SETX: variants seen among roughly 807,000 people sequenced by gnomAD.
SETX encodes helicase senataxin.
Under a neutral mutation model 227.2 loss-of-function variants are expected in SETX, and 90 were observed. The observed-to-expected ratio is 0.40, with a 90% CI of 0.33 to 0.47. SETX has a LOEUF of 0.47. SETX is among the 20% of genes least tolerant of loss of function. The pLI, the probability that SETX is intolerant of heterozygous loss-of-function variation, is 0.91. For synonymous variants in SETX, 1,210 were observed against 1,113.2 expected, an observed-to-expected ratio of 1.09 and a Z score of -1.73; for missense variants, 3,052 against 3,181.5, an observed-to-expected ratio of 0.96 and a Z score of 0.98.
rs565371514 is a variant in SETX, at chr9:132,271,233, T to G, written c.7199+477A>C. 5.9e-5 allele frequency among the ~76,000 whole-genome samples: 9 copies of G among 152,174 alleles called. No homozygotes were observed. In the South Asian group the frequency reaches 1.5e-3, roughly 25 times the overall value. Reference sequence around the variant, plus strand: ...AATTATTTATTTGAATCTTATTAAATAAAAGAACAGATTCACACTATGAAA... The same window carrying G: ...AATTATTTATTTGAATCTTATTAAAGAAAAGAACAGATTCACACTATGAAA... On this transcript the variant is annotated intron_variant, in intron 24 of 25. Transcript: ENST00000224140.
chr9:132,283,384 A>T lies in SETX; in HGVS notation c.6426T>A (p.Ser2142Arg). ...TGATATGGGACTCTAAGATGATGATACTCTGTGTTTTCTGTGGGCGTCCTT... is the reference window on the plus strand; with the variant it reads ...TGATATGGGACTCTAAGATGATGATTCTCTGTGTTTTCTGTGGGCGTCCTT... ...EVQGRPQKTQSIIILESHIIC... is the reference protein window; with the variant it reads ...EVQGRPQKTQRIIILESHIIC... Residue 2142 changes from serine (S) to arginine (R), a missense_variant, in exon 19 of 26, where the codon AGT becomes AGA. By Grantham distance (110) the Ser-to-Arg change is moderately radical (BLOSUM62 -1). Around this residue, in one of 10 missense-constraint regions of SETX, gnomAD observed 412 missense variants for 589.0 expected, o/e 0.70. Transcript: ENST00000224140. 1 of 1,614,174 alleles carries T rather than the reference A, an allele frequency of 6.2e-7. No individual in the cohort carries two copies. Among genetic ancestry groups the T allele is most frequent in the Middle Eastern group, 1.6e-4 (1 of 6,062 alleles).
Position 132,349,440 on chromosome 9 carries a change from A to G in SETX, c.-7-5T>C. 1 of 1,614,158 alleles carries G rather than the reference A, an allele frequency of 6.2e-7. No homozygotes were observed. The highest frequency in any genetic ancestry group is 8.5e-7 in the Non-Finnish European group (1 of 1,180,022). On this transcript the variant is annotated splice_polypyrimidine_tract_variant and splice_region_variant and intron_variant, in intron 2 of 25. Transcript: ENST00000224140. Reference sequence around the variant, plus strand: ...CAACATGTGCTCATTCTGTACCTACAGCCAGAAAAGATGACATCAAGAAGA... The same window carrying G: ...CAACATGTGCTCATTCTGTACCTACGGCCAGAAAAGATGACATCAAGAAGA...
At chr9:132,291,067 G>T (rs1844268012) in intron 15 of SETX, among the ~76,000 whole-genome samples, 1 of 150,730 alleles carries the variant, frequency 6.6e-6, no homozygotes. Context: ...AAAATGAATG[G>T]CTTATTTTTA....
chr9:132,320,503 A>G (rs1020410992), intron 10 of SETX, among the ~76,000 whole-genome samples: 4 of 145,918 alleles, frequency 2.7e-5, no homozygotes, highest in Non-Finnish European at 6.0e-5. Context: ...TTGAGGAGGG[A>G]AAATGGTGTG....
Position 132,331,134 on chromosome 9 carries a change from T to A in SETX, c.1016A>T (p.Lys339Met). Residue 339 changes from lysine to methionine, a missense_variant, in exon 9 of 26, where the codon AAG becomes ATG. Lys to Met is a moderately conservative substitution (Grantham distance 95). Transcript: ENST00000224140. ...RHIRNSSVRTKLEPESYLDDM... is the reference protein window; with the variant it reads ...RHIRNSSVRTMLEPESYLDDM... ...ATCCAAATAGGACTCCGGTTCTAAC[T>A]TGGTCCTTAAATATTAAGAATAAAT... The A allele has an allele frequency of 6.2e-7, 1 of 1,613,336 alleles. No individual in the cohort carries two copies. The highest frequency in any genetic ancestry group is 1.1e-5 in the South Asian group (1 of 91,042).
chr9:132,290,488 C>A (rs1166954915), intron 15 of SETX, among the ~76,000 whole-genome samples: 1 of 145,294 alleles, frequency 6.9e-6, no homozygotes, highest in East Asian at 2.1e-4. Context: ...GGCAGGAGAA[C>A]TGCTTGAACC....
intron 4 of SETX, among the ~76,000 whole-genome samples, chr9:132,344,300 A>G (rs1830335724): frequency 2.0e-5 from 3 of 151,992 alleles, no homozygotes; most frequent in Admixed American, 2.0e-4. Flanking sequence ...CTCAGGCTCA[A>G]CCTCCTGGGC....
chr9:132,270,286 G>A (rs1224431735), intron 24 of SETX, among the ~76,000 whole-genome samples: 3 of 150,866 alleles, frequency 2.0e-5, no homozygotes, highest in African/African-American at 7.3e-5. Flanking sequence ...GCGTGCCCAT[G>A]TGAGACACAG....
intron 11 of SETX, among the ~76,000 whole-genome samples, chr9:132,302,380 C>T (rs1845048970): frequency 7.8e-6 from 1 of 128,460 alleles, no homozygotes; most frequent in South Asian, 2.6e-4. Flanking sequence ...AAAAAAAAGG[C>T]CAGGTGTGGT....
At chr9:132,272,797 G>A (rs1842963064) in intron 23 of SETX, among the ~76,000 whole-genome samples, 1 of 152,172 alleles carries the variant, frequency 6.6e-6, no homozygotes, top group Admixed American at 6.5e-5. Context: ...GTTCATCCAT[G>A]TTGTAGCATG....
At chr9:132,280,027 A>AT (rs1451083439) in intron 20 of SETX, among the ~76,000 whole-genome samples, 3 of 152,194 alleles carry the variant, frequency 2.0e-5, no homozygotes, top group African/African-American at 4.8e-5. Flanking sequence ...AAGGGCAGGG[A>AT]TTTTGTCTGT....
intron 10 of SETX, among the ~76,000 whole-genome samples, chr9:132,322,020 A>G (rs1214459936): frequency 2.0e-5 from 3 of 152,098 alleles, no homozygotes; most frequent in Non-Finnish European, 2.9e-5. Flanking sequence ...CTAAGCACAA[A>G]ACCTTACCAT....
At chr9:132,347,684 AG>A (rs1261473354) in intron 3 of SETX, among the ~76,000 whole-genome samples, 2 of 151,866 alleles carry the variant, frequency 1.3e-5, no homozygotes, top group Non-Finnish European at 2.9e-5. Context: ...AAAAAAAAAA[AG>A]AGAAGCTGGA....
upstream of SETX, among the ~76,000 whole-genome samples, chr9:132,355,361 C>G (rs1848859703): frequency 6.6e-6 from 1 of 152,194 alleles, no homozygotes. Context: ...CTTTTTTCCA[C>G]GCCTCAGGTG....
In SETX at chr9:132,327,632, G is replaced by A. The variant is rs772257618; in HGVS notation, c.3966C>T (p.Thr1322=). 5.0e-6 allele frequency: 8 copies of A among 1,613,622 alleles called. No individual in the cohort carries two copies. Among genetic ancestry groups the A allele is most frequent in the African/African-American group, 4.0e-5 (3 of 74,798 alleles). Residue 1322 remains threonine, a synonymous_variant, in exon 10 of 26, where the codon ACC becomes ACT. Transcript: ENST00000224140. Reference sequence around the variant, plus strand: ...GAGAAATTAATTTAGTCTTTTTTCGGGTATCAACTACTCCAACAGTTTTGC... The same window carrying A: ...GAGAAATTAATTTAGTCTTTTTTCGAGTATCAACTACTCCAACAGTTTTGC... ...DHGKTVGVVD[T]RKKTKLISPQ...
At chr9:132,301,796 CA>C (rs1370103668) in intron 11 of SETX, among the ~76,000 whole-genome samples, 3 of 152,144 alleles carry the variant, frequency 2.0e-5, no homozygotes, top group African/African-American at 7.2e-5. Flanking sequence ...AAGAATTTTG[CA>C]ACTTCTACGC....
chr9:132,283,435 C>T, intron 18 of SETX, 22 bp from the exon 19 acceptor site: 1 of 1,613,920 alleles, frequency 6.2e-7, no homozygotes, highest in Non-Finnish European at 8.5e-7. Flanking sequence ...AAGGTTAAAT[C>T]AATATTCAGC....
intron 11 of SETX, among the ~76,000 whole-genome samples, chr9:132,308,885 C>T (rs1040109420): frequency 3.3e-5 from 5 of 152,028 alleles, no homozygotes; most frequent in African/African-American, 1.2e-4. Context: ...CCGTGGCTCA[C>T]ACCAGCACTT....
At chr9:132,342,868 C>T (rs1848064750) in intron 4 of SETX, 69 bp from the exon 5 acceptor site, 1 of 1,136,820 alleles carries the variant, frequency 8.8e-7, no homozygotes, top group Non-Finnish European at 1.3e-6. Flanking sequence ...AATTAGGCTC[C>T]TTGGGCTATT....
Sources: gnomAD v4.1 joint callset for allele counts (sites outside exome capture counted in the v4.1 genomes callset) on GRCh38, gnomAD v4.1.1 for gene constraint, gnomAD v4.1.1 regional missense constraint, MANE v1.5 for transcripts, NCBI Gene and HGNC (gene_info 2026-07-23, HGNC 2026-07-21) for gene names.